UBE4B: variants seen among roughly 807,000 people sequenced by gnomAD.
The protein encoded by UBE4B is ubiquitin conjugation factor E4 B.
A neutral mutation model predicts 148.1 loss-of-function variants in UBE4B; 27 were observed. That is an observed-to-expected ratio of 0.18 (90% CI 0.13 to 0.25). The LOEUF (loss-of-function observed/expected upper bound fraction) is 0.25. Among genes scored for constraint, UBE4B ranks in the 10% least tolerant of loss-of-function variants. The probability of loss-of-function intolerance (pLI) is 1.00; values close to 1 mark genes in which losing one functional copy is unlikely to be tolerated. For synonymous variants in UBE4B, 596 were observed against 619.3 expected, an observed-to-expected ratio of 0.96 and a Z score of 0.56; for missense variants, 1,170 against 1,662.4, an observed-to-expected ratio of 0.70 and a Z score of 5.15.
intron 3 of UBE4B, among the ~76,000 whole-genome samples, chr1:10,100,281 GC>G (rs1266990233): frequency 3.3e-5 from 5 of 152,070 alleles, no homozygotes; most frequent in African/African-American, 1.2e-4. Flanking sequence ...GAGCCATCGT[GC>G]CTGGCCTATT....
At chr1:10,103,135 A>C (rs779373122) in intron 5 of UBE4B, 43 bp downstream of exon 5, 6 of 1,527,822 alleles carry the variant, frequency 3.9e-6, no homozygotes, top group Non-Finnish European at 5.3e-6. Context: ...GTACTCGACA[A>C]GAAAATAAGA....
chr1:10,071,011 G>A (rs1208357995), intron 1 of UBE4B, among the ~76,000 whole-genome samples: 1 of 152,000 alleles, frequency 6.6e-6, no homozygotes, highest in Non-Finnish European at 1.5e-5. Flanking sequence ...CACCTCCCGA[G>A]TTCAAGTGAT....
chr1:10,033,501 T>G lies in UBE4B; in HGVS notation c.-170T>G, dbSNP rs541665764. On this transcript the variant is annotated 5_prime_UTR_variant, in exon 1 of 28. Coordinates refer to ENST00000343090, the MANE Select transcript of UBE4B (RefSeq NM_001105562.3). ...TGGAGTGACCGAAGCCAAGGCAGTT[T>G]AGTGCCTCTCGTGTTCTTATTTTTT... is the stretch of plus-strand genomic sequence containing the variant. The G allele has an allele frequency of 1.5e-6, 1 of 674,786 alleles. No homozygotes were observed. Among genetic ancestry groups the G allele is most frequent in the South Asian group, 3.9e-5 (1 of 25,714 alleles). 41.8% of individuals were successfully genotyped at this position (674,786 alleles called of 1,614,324 possible).
chr1:10,150,785 T>C (rs1177871835), intron 20 of UBE4B, among the ~76,000 whole-genome samples: 1 of 144,904 alleles, frequency 6.9e-6, no homozygotes, highest in African/African-American at 2.6e-5. Context: ...GCTTGAACTT[T>C]GGAGGCGGAG....
chr1:10,151,035 T>C (rs570571444), intron 20 of UBE4B, among the ~76,000 whole-genome samples: 32 of 146,002 alleles, frequency 2.2e-4, no homozygotes, highest in African/African-American at 7.9e-4. Context: ...TGGTGGCAGG[T>C]GCCTGTAGTC....
chr1:10,074,063 C>T (rs1388143005), intron 2 of UBE4B, among the ~76,000 whole-genome samples: 6 of 151,650 alleles, frequency 4.0e-5, no homozygotes, highest in Non-Finnish European at 7.4e-5. Flanking sequence ...TTCAGTCTCT[C>T]ATGTAGCTGG....
At chr1:10,107,509 T>C in intron 7 of UBE4B, 2 of 996,346 alleles carry the variant, frequency 2.0e-6, no homozygotes, top group South Asian at 3.3e-5. Context: ...AGTATATTGA[T>C]GTGTTCAGAC....
chr1:10,119,676 C>A, intron 9 of UBE4B, 63 bp downstream of exon 9: 1 of 1,476,744 alleles, frequency 6.8e-7, no homozygotes, highest in Non-Finnish European at 9.4e-7. Flanking sequence ...CAGTGGACAT[C>A]AGGCTCTCTG....
rs566536493 is a variant in UBE4B at position 10,088,441 on chromosome 1, C to T, written c.212-7020C>T. ...TGTTGCCCAGGCTGGCGTGCAGTGG[C>T]GCAATCTCACTGCAACTTCCGCCTC... On this transcript the variant is annotated intron_variant, in intron 2 of 27. Coordinates refer to ENST00000343090, the MANE Select transcript of UBE4B (RefSeq NM_001105562.3). Among the ~76,000 whole-genome samples the T allele has an allele frequency of 5.3e-5, 8 of 151,882 alleles. No homozygotes were observed. The East Asian group carries it at 5.8e-4, about 11-fold the overall frequency.
intron 23 of UBE4B, among the ~76,000 whole-genome samples, chr1:10,165,455 G>A (rs1386084972): frequency 3.3e-5 from 5 of 152,218 alleles, no homozygotes; most frequent in African/African-American, 1.2e-4. Context: ...TATCAGGGAT[G>A]GTGTTAAACA....
intron 1 of UBE4B, among the ~76,000 whole-genome samples, chr1:10,047,578 C>T (rs559062702): frequency 6.0e-4 from 91 of 151,184 alleles, no homozygotes; most frequent in South Asian, 3.4e-3. Flanking sequence ...CCGCAAGCTC[C>T]GCCTCCCAGG....
chr1:10,175,394 G>C (rs1205092219), intron 25 of UBE4B, among the ~76,000 whole-genome samples: 3 of 152,162 alleles, frequency 2.0e-5, no homozygotes, highest in Admixed American at 1.3e-4. Flanking sequence ...GCTCACGCCT[G>C]TAATCCCAGC....
chr1:10,135,117 A>G lies in UBE4B; in HGVS notation c.2155A>G (p.Thr719Ala). Residue 719 changes from threonine to alanine, a missense_variant, in exon 16 of 28, where the codon ACT becomes GCT. This residue lies in a region of UBE4B where 388 missense variants were observed against 536.0 expected (regional missense o/e 0.72). Coordinates refer to ENST00000343090, the MANE Select transcript of UBE4B (RefSeq NM_001105562.3). ...TATTTTTCACCCAAGATGTCGGATT[A>G]CTCTTCCCAATGATGAGACGCGTGT... ...TYIFHPRCRITLPNDETRVNA... is the reference protein window; with the variant it reads ...TYIFHPRCRIALPNDETRVNA... 6.2e-7 allele frequency: 1 copy of G among 1,613,916 alleles called. No homozygotes were observed. The highest frequency in any genetic ancestry group is 8.5e-7 in the Non-Finnish European group (1 of 1,179,960).
intron 2 of UBE4B, among the ~76,000 whole-genome samples, chr1:10,083,824 C>T (rs371739995): frequency 2.0e-5 from 3 of 152,132 alleles, no homozygotes; most frequent in African/African-American, 4.8e-5. Flanking sequence ...GACTGGCCTT[C>T]GGGCCCCCAA....
At chr1:10,149,513 A>G (rs1438622274) in intron 20 of UBE4B, among the ~76,000 whole-genome samples, 4 of 152,208 alleles carry the variant, frequency 2.6e-5, no homozygotes, top group Non-Finnish European at 5.9e-5. Context: ...TATTCCTTGA[A>G]AATTGAGTTG....
At chr1:10,045,861 C>T (rs1388954253) in intron 1 of UBE4B, among the ~76,000 whole-genome samples, 1 of 152,006 alleles carries the variant, frequency 6.6e-6, no homozygotes, top group African/African-American at 2.4e-5. Flanking sequence ...GAGTGGAGTC[C>T]AAGGTGCAGG....
chr1:10,067,639 C>T lies in UBE4B; in HGVS notation c.25-4389C>T, dbSNP rs149691338. On this transcript the variant is annotated intron_variant, in intron 1 of 27. Coordinates refer to ENST00000343090, the MANE Select transcript of UBE4B (RefSeq NM_001105562.3). Reference sequence around the variant, plus strand: ...GATACACTTTTTTTTTTTTTTGAGACCCGGCTCTCACCGGGTTGCACAGAC... The same window carrying T: ...GATACACTTTTTTTTTTTTTTGAGATCCGGCTCTCACCGGGTTGCACAGAC... 1.5e-3 allele frequency among the ~76,000 whole-genome samples: 219 copies of T among 149,142 alleles called. 3 individuals are homozygous for T. In the Middle Eastern group the frequency reaches 0.034, roughly 23 times the overall value.
At chr1:10,070,607 G>A (rs1292333396) in intron 1 of UBE4B, among the ~76,000 whole-genome samples, 1 of 151,752 alleles carries the variant, frequency 6.6e-6, no homozygotes, top group African/African-American at 2.4e-5. Context: ...CATCCACTCT[G>A]TTTTTTTTAC....
intron 1 of UBE4B, among the ~76,000 whole-genome samples, chr1:10,047,552 G>A (rs1406649776): frequency 6.7e-6 from 1 of 149,596 alleles, no homozygotes; most frequent in East Asian, 2.0e-4. Context: ...GAGTGTAGTG[G>A]CGTGATCTCG....
Sources: gnomAD v4.1 joint callset for allele counts (sites outside exome capture counted in the v4.1 genomes callset) on GRCh38, gnomAD v4.1.1 for gene constraint, gnomAD v4.1.1 regional missense constraint, MANE v1.5 for transcripts, NCBI Gene and HGNC (gene_info 2026-07-23, HGNC 2026-07-21) for gene names.